AK1: variants seen among roughly 807,000 people sequenced by gnomAD.
The protein encoded by AK1 is adenylate kinase 1, also known as adenylate kinase isoenzyme 1.
In AK1, 13 loss-of-function variants were observed where a neutral mutation model predicts 23.9. The observed-to-expected ratio is 0.54, with a 90% CI of 0.35 to 0.86. The LOEUF (loss-of-function observed/expected upper bound fraction) is 0.86. AK1 is among the 40% of genes least tolerant of loss of function. The probability of loss-of-function intolerance (pLI) is 0.01; values close to 1 mark genes in which losing one functional copy is unlikely to be tolerated. For synonymous variants in AK1, 97 were observed against 102.8 expected, an observed-to-expected ratio of 0.94 and a Z score of 0.34; for missense variants, 214 against 255.1, an observed-to-expected ratio of 0.84 and a Z score of 1.10.
chr9:127,877,738 GT>G (rs1829574983), upstream of AK1: 1 of 152,372 alleles, frequency 6.6e-6, no homozygotes, highest in Admixed American at 6.5e-5. The surrounding 1 kb of genome is among the most constrained non-coding windows in gnomAD (Gnocchi z 5.2). Context: ...GGGAGCCGGC[GT>G]TCCCGAAGGC....
intron 2 of AK1, chr9:127,874,407 C>A (rs532489415): frequency 2.0e-6 from 2 of 985,218 alleles, no homozygotes; most frequent in Non-Finnish European, 2.4e-6. Flanking sequence ...CTTGGGGAGG[C>A]CTCGTCACGT....
rs569997176 is a variant in AK1, at chr9:127,868,305, G to C, written c.516+16C>G. The C allele has an allele frequency of 6.5e-4, 1,011 of 1,562,324 alleles. No homozygotes were observed. Among genetic ancestry groups the C allele is most frequent in the Non-Finnish European group, 8.1e-4 (937 of 1,153,422 alleles). On this transcript the variant is annotated intron_variant, in intron 6 of 6. Coordinates refer to ENST00000644144, the MANE Select transcript of AK1 (RefSeq NM_000476.3). The surrounding 1 kb of genome is among the most constrained non-coding windows in gnomAD (Gnocchi z 4.1). ...CCCGTTCTTCCCGGAGCTGCCCCTGGGCCCGCGGGGCCCACCTTGCGCACA... is the reference window on the plus strand; with the variant it reads ...CCCGTTCTTCCCGGAGCTGCCCCTGCGCCCGCGGGGCCCACCTTGCGCACA...
intron 1 of AK1, 107 bp from the exon 2 acceptor site, chr9:127,874,756 G>T: frequency 8.8e-7 from 1 of 1,131,600 alleles, no homozygotes. Flanking sequence ...CCGACATGCA[G>T]TCTGAGGGCA....
upstream of AK1, among the ~76,000 whole-genome samples, chr9:127,879,102 GT>G (rs1241534921): frequency 7.9e-6 from 1 of 126,928 alleles, no homozygotes; most frequent in African/African-American, 3.4e-5. Flanking sequence ...CACACACACA[GT>G]CTTCAAATGC....
chr9:127,869,632 T>C (rs1222158409), intron 5 of AK1: 1 of 152,376 alleles, frequency 6.6e-6, no homozygotes, highest in Non-Finnish European at 1.5e-5. Flanking sequence ...TAGTTAAGGA[T>C]TCAGGGTGAC....
rs1588611210 is a variant in AK1 at position 127,867,780 on chromosome 9, T to G, written c.*228A>C. On this transcript the variant is annotated 3_prime_UTR_variant, in exon 7 of 7. Transcript: ENST00000644144. ...GAGGGGCTGGGGACTTGCGGCCAGG[T>G]AGGCACAAGCACATGAATCAACTCC... is the stretch of plus-strand genomic sequence containing the variant. 1.9e-6 allele frequency: 1 copy of G among 531,454 alleles called. No individual in the cohort carries two copies. The allele number at this position is 531,454 out of a possible 1,614,324, so 32.9% of individuals were successfully genotyped here.
chr9:127,870,778 A>G (rs1829376783), intron 5 of AK1, among the ~76,000 whole-genome samples: 1 of 146,452 alleles, frequency 6.8e-6, no homozygotes, highest in Admixed American at 6.9e-5. Context: ...GCTGGAAGCT[A>G]CGGAAGCCCA....
upstream of AK1, among the ~76,000 whole-genome samples, chr9:127,878,963 C>T (rs1245900407): frequency 6.6e-6 from 1 of 151,994 alleles, no homozygotes; most frequent in Non-Finnish European, 1.5e-5. Context: ...GTTAACCCCA[C>T]CACTTCAGGA....
intron 5 of AK1, among the ~76,000 whole-genome samples, chr9:127,870,056 T>G (rs1829352601): frequency 6.6e-6 from 1 of 152,032 alleles, no homozygotes; most frequent in Non-Finnish European, 1.5e-5. Context: ...TGACCCTCCC[T>G]CCTTCGGTGA....
rs959729852 is a variant in AK1 at position 127,871,432 on chromosome 9, T to C, written c.324+391A>G. On this transcript the variant is annotated intron_variant, in intron 5 of 6. Coordinates refer to ENST00000644144, the MANE Select transcript of AK1 (RefSeq NM_000476.3). This position sits in a 1 kb window ranked among gnomAD's most constrained non-coding sequence, Gnocchi z 4.4. ...TGTTCCCTGCCCCTCTGTGTGTTTA[T>C]AGGGAGCCAAGGCCCACACTGGAAG... Among the ~76,000 whole-genome samples the C allele has an allele frequency of 3.3e-5, 5 of 151,566 alleles. No homozygotes were observed. Among genetic ancestry groups the C allele is most frequent in the South Asian group, 2.1e-4 (1 of 4,824 alleles).
intron 4 of AK1, 32 bp downstream of exon 4, chr9:127,872,658 C>G (rs201169609): frequency 1.6e-4 from 257 of 1,613,072 alleles, no homozygotes; most frequent in Non-Finnish European, 2.1e-4. Flanking sequence ...TACTGTCATC[C>G]CCTGCCTCTC....
intron 1 of AK1, among the ~76,000 whole-genome samples, chr9:127,876,166 A>C (rs1208667038): frequency 6.6e-6 from 1 of 152,172 alleles, no homozygotes; most frequent in African/African-American, 2.4e-5. Flanking sequence ...GACTCAGCTC[A>C]GGTGCCACCT....
In AK1 at chr9:127,868,219, G is replaced by A; in HGVS notation, c.516+102C>T. On this transcript the variant is annotated intron_variant, in intron 6 of 6. Coordinates refer to ENST00000644144, the MANE Select transcript of AK1 (RefSeq NM_000476.3). This position sits in a 1 kb window ranked among gnomAD's most constrained non-coding sequence, Gnocchi z 4.1. ...CTCATTGAACCAGTGGGGAAACCAA[G>A]GCCCAGAGAGAGGGGCTGGCCTGAG... is the stretch of plus-strand genomic sequence containing the variant. 6.9e-7 allele frequency: 1 copy of A among 1,449,822 alleles called. No individual in the cohort carries two copies. Among genetic ancestry groups the A allele is most frequent in the Admixed American group, 2.0e-5 (1 of 51,164 alleles). 89.8% of individuals were successfully genotyped at this position (1,449,822 alleles called of 1,614,324 possible).
At chr9:127,873,160 G>A (rs1164846254) in intron 2 of AK1, 99 bp from the exon 3 acceptor site, 3 of 1,557,028 alleles carry the variant, frequency 1.9e-6, no homozygotes, top group East Asian at 4.9e-5. Context: ...CCAGGCGGAG[G>A]GACAGACACC....
chr9:127,872,647 C>A lies in AK1; in HGVS notation c.207+43G>T, dbSNP rs73669437. 412 of 1,612,040 alleles carry A rather than the reference C, an allele frequency of 2.6e-4. No individual in the cohort carries two copies. The African/African-American group carries it at 4.9e-3, about 19-fold the overall frequency. On this transcript the variant is annotated intron_variant, in intron 4 of 6. Coordinates refer to ENST00000644144, the MANE Select transcript of AK1 (RefSeq NM_000476.3). The stretch of plus-strand genomic sequence containing the variant: ...CTGCTGGTGGGACACCCACTCAGGG[C>A]TACTGTCATCCCCTGCCTCTCACCC...
rs763846469 is a variant in AK1 at position 127,877,401 on chromosome 9, C to T, written c.-33+222G>A. On this transcript the variant is annotated intron_variant, in intron 1 of 6. Coordinates refer to ENST00000644144, the MANE Select transcript of AK1 (RefSeq NM_000476.3). The surrounding 1 kb of genome is among the most constrained non-coding windows in gnomAD (Gnocchi z 5.2). ...GAAGGGGCTGCAACACACACAAACA[C>T]ACACGCACACACACGCACGGATCCA... is the stretch of plus-strand genomic sequence containing the variant. Among the ~76,000 whole-genome samples, 14 of 152,170 alleles carry T rather than the reference C, an allele frequency of 9.2e-5. No individual in the cohort carries two copies. Among genetic ancestry groups the T allele is most frequent in the Admixed American group, 6.5e-4 (10 of 15,278 alleles).
chr9:127,874,838 G>A, intron 1 of AK1, 189 bp from the exon 2 acceptor site: 1 of 610,082 alleles, frequency 1.6e-6, no homozygotes, highest in Non-Finnish European at 2.9e-6. Context: ...AAGTGACCTT[G>A]GAAAAGTCAC....
intron 4 of AK1, 123 bp downstream of exon 4, chr9:127,872,567 G>T: frequency 7.6e-7 from 1 of 1,317,354 alleles, no homozygotes. Flanking sequence ...AACCACAGAA[G>T]GGTTTGGAGC....
chr9:127,871,821 ACCCGT>A lies in AK1; in HGVS notation c.321_324+1del. 6.2e-7 allele frequency: 1 copy of A among 1,613,622 alleles called. No individual in the cohort carries two copies. The highest frequency in any genetic ancestry group is 2.2e-5 in the East Asian group (1 of 44,872). ...GGATCCCCACTTGGGTCAGTGCCTT[ACCCGT>A]CGCTCAAACTCTTCTCCTTGCTGCA... is the stretch of plus-strand genomic sequence containing the variant. On this transcript the variant is annotated splice_donor_variant and coding_sequence_variant, in exon 5 of 7. Transcript: ENST00000644144. LOFTEE classifies it high-confidence loss of function. The surrounding 1 kb of genome is among the most constrained non-coding windows in gnomAD (Gnocchi z 4.4).
Sources: allele counts gnomAD v4.1 joint callset (sites outside exome capture counted in the v4.1 genomes callset), GRCh38; gene constraint gnomAD v4.1.1; non-coding constraint Gnocchi (gnomAD v3.1); transcripts MANE v1.5; gene names NCBI Gene and HGNC (gene_info 2026-07-23, HGNC 2026-07-21).